ETF1: variants seen among roughly 807,000 people sequenced by gnomAD.
ETF1 encodes the protein eukaryotic peptide chain release factor subunit 1.
ETF1 carries 4 observed loss-of-function variants against 55.1 expected under a neutral mutation model. The observed-to-expected ratio is 0.07, with a 90% CI of 0.04 to 0.17. The LOEUF is 0.17. ETF1 is among the 10% of genes least tolerant of loss of function. The pLI, the probability that ETF1 is intolerant of heterozygous loss-of-function variation, is 1.00. For synonymous variants in ETF1, 157 were observed against 182.3 expected, an observed-to-expected ratio of 0.86 and a Z score of 1.12; for missense variants, 142 against 523.6, an observed-to-expected ratio of 0.27 and a Z score of 7.11.
At chr5:138,510,981 A>G (rs928200341) in intron 8 of ETF1, 64 bp downstream of exon 8, 16 of 1,574,784 alleles carry the variant, frequency 1.0e-5, no homozygotes, top group Non-Finnish European at 1.4e-5. Context: ...CATCCCTCCC[A>G]AATCTCCACC....
rs57906231 is a variant in ETF1 at position 138,510,357 on chromosome 5, CAAAAAAAAAAAAA to C, written c.1083+195_1083+207del. ...TGGGCAACAGAGCAAGACCTTGTCTCAAAAAAAAAAAAAAAAAAAAAAAAAAAAAAAGCTGCAG... is the reference window on the plus strand; with the variant it reads ...TGGGCAACAGAGCAAGACCTTGTCTCAAAAAAAAAAAAAAAAAAGCTGCAG... On this transcript the variant is annotated intron_variant, in intron 9 of 10. Transcript: ENST00000360541. Among the ~76,000 whole-genome samples, 11 of 64,784 alleles carry C rather than the reference CAAAAAAAAAAAAA, an allele frequency of 1.7e-4. No individual in the cohort carries two copies. The Admixed American group carries it at 1.8e-3, about 11-fold the overall frequency. 42.5% of individuals were successfully genotyped at this position (64,784 alleles called of 152,430 possible).
intron 2 of ETF1, among the ~76,000 whole-genome samples, chr5:138,521,514 T>C (rs2127090110): frequency 6.6e-6 from 1 of 152,286 alleles, no homozygotes; most frequent in South Asian, 2.1e-4. Flanking sequence ...AACTACTTAG[T>C]CCATTTATAA....
At chr5:138,524,274 A>T (rs1765363156) in intron 2 of ETF1, among the ~76,000 whole-genome samples, 1 of 151,888 alleles carries the variant, frequency 6.6e-6, no homozygotes, top group South Asian at 2.1e-4. Context: ...AATCGCTCGA[A>T]CCTGGGAGAT....
chr5:138,540,278 A>G (rs1201733150), intron 2 of ETF1, among the ~76,000 whole-genome samples: 1 of 152,172 alleles, frequency 6.6e-6, no homozygotes, highest in East Asian at 1.9e-4. Context: ...CTCAACCACT[A>G]AGTCTCACTA....
At chr5:138,527,184 C>T (rs1310723275) in intron 2 of ETF1, among the ~76,000 whole-genome samples, 1 of 152,156 alleles carries the variant, frequency 6.6e-6, no homozygotes, top group African/African-American at 2.4e-5. Context: ...GTCCAGTCCT[C>T]CCACTATCAA....
intron 2 of ETF1, among the ~76,000 whole-genome samples, chr5:138,524,656 T>C (rs1320969817): frequency 6.6e-6 from 1 of 150,512 alleles, no homozygotes; most frequent in African/African-American, 2.4e-5. Flanking sequence ...CGGCTCACTG[T>C]AGCCTCTGCC....
At chr5:138,539,937 G>A (rs1766104348) in intron 2 of ETF1, among the ~76,000 whole-genome samples, 1 of 152,186 alleles carries the variant, frequency 6.6e-6, no homozygotes, top group Non-Finnish European at 1.5e-5. Flanking sequence ...CCAAATGGTG[G>A]CAATACTTGT....
intron 2 of ETF1, among the ~76,000 whole-genome samples, chr5:138,539,268 A>C (rs1766076635): frequency 6.6e-6 from 1 of 152,194 alleles, no homozygotes. Flanking sequence ...TATTAACATT[A>C]CCTTAAAACT....
chr5:138,518,237 G>A (rs1332060352), intron 3 of ETF1, among the ~76,000 whole-genome samples: 2 of 143,964 alleles, frequency 1.4e-5, no homozygotes, highest in Non-Finnish European at 3.0e-5. Flanking sequence ...TTGAGACAAC[G>A]CCTCACTCTG....
intron 2 of ETF1, among the ~76,000 whole-genome samples, chr5:138,539,352 A>T (rs531912610): frequency 6.6e-6 from 1 of 152,106 alleles, no homozygotes; most frequent in Non-Finnish European, 1.5e-5. Flanking sequence ...AACAACCAAT[A>T]ATTCTCCCCC....
chr5:138,510,785 G>T, intron 8 of ETF1, 156 bp from the exon 9 acceptor site: 1 of 694,338 alleles, frequency 1.4e-6, no homozygotes, highest in Non-Finnish European at 1.8e-6. Flanking sequence ...TGTCTACTAG[G>T]TACAATGCTT....
chr5:138,516,435 G>C (rs1765021284), intron 4 of ETF1, among the ~76,000 whole-genome samples: 1 of 152,104 alleles, frequency 6.6e-6, no homozygotes, highest in Admixed American at 6.6e-5. Flanking sequence ...CCAGGAGTTT[G>C]GGACAGGCCT....
At chr5:138,539,149 G>C (rs1028409087) in intron 2 of ETF1, among the ~76,000 whole-genome samples, 2 of 152,212 alleles carry the variant, frequency 1.3e-5, no homozygotes, top group Non-Finnish European at 1.5e-5. Flanking sequence ...GTGAAGATAA[G>C]TGAAGACATT....
chr5:138,516,371 A>AACACAC (rs3884296), intron 4 of ETF1, among the ~76,000 whole-genome samples: 54 of 150,766 alleles, frequency 3.6e-4, no homozygotes, highest in African/African-American at 7.5e-4. Flanking sequence ...CAAAAATCAA[A>AACACAC]ACACACACAC....
intron 2 of ETF1, among the ~76,000 whole-genome samples, chr5:138,534,400 A>C (rs1362362027): frequency 6.6e-6 from 1 of 152,230 alleles, no homozygotes; most frequent in African/African-American, 2.4e-5. Context: ...GTGTTCTTAC[A>C]ACAGTGCAAA....
chr5:138,510,746 T>C, intron 8 of ETF1, 117 bp from the exon 9 acceptor site: 1 of 1,404,074 alleles, frequency 7.1e-7, no homozygotes, highest in Non-Finnish European at 9.6e-7. Context: ...CTCAACATTT[T>C]TTCCATAAAC....
chr5:138,538,257 C>T (rs12658925), intron 2 of ETF1, among the ~76,000 whole-genome samples: 61,839 of 142,190 alleles, frequency 0.43, 15,035 homozygotes, highest in East Asian at 0.81. Context: ...TGGCGGAATC[C>T]CGGCTCACTG....
intron 2 of ETF1, among the ~76,000 whole-genome samples, chr5:138,537,280 A>G (rs1765975678): frequency 6.6e-6 from 1 of 152,192 alleles, no homozygotes; most frequent in African/African-American, 2.4e-5. Flanking sequence ...CTGTATCCTG[A>G]TCTTTTAATA....
Position 138,510,550 on chromosome 5 carries a change from A to C in ETF1, c.1083+15T>G. On this transcript the variant is annotated intron_variant, in intron 9 of 10. Coordinates refer to ENST00000360541, the MANE Select transcript of ETF1 (RefSeq NM_004730.4). The stretch of plus-strand genomic sequence containing the variant: ...CGCTTGCACGTATCATCAAACCAAG[A>C]AAATAATCACATACCTCTTTGTCTG... The C allele has an allele frequency of 6.3e-7, 1 of 1,596,454 alleles. No homozygotes were observed. The highest frequency in any genetic ancestry group is 8.6e-7 in the Non-Finnish European group (1 of 1,164,018).
Sources: gnomAD v4.1 joint callset for allele counts (sites outside exome capture counted in the v4.1 genomes callset) on GRCh38, gnomAD v4.1.1 for gene constraint, MANE v1.5 for transcripts, NCBI Gene and HGNC (gene_info 2026-07-23, HGNC 2026-07-21) for gene names.